Variants in ST8SIA4 observed in about 807,000 individuals in gnomAD.
The protein encoded by ST8SIA4 is CMP-N-acetylneuraminate-poly-alpha-2,8-sialyltransferase.
ST8SIA4 carries 15 observed loss-of-function variants against 33.9 expected under a neutral mutation model. That is an observed-to-expected ratio of 0.44 (90% CI 0.30 to 0.68). The LOEUF (loss-of-function observed/expected upper bound fraction) is 0.68, where lower values mean the gene tolerates loss of function less well. Ranked by LOEUF, ST8SIA4 falls within the 30% of genes least tolerant of loss-of-function variation. The pLI is 0.10. For synonymous variants in ST8SIA4, 171 were observed against 151.2 expected, an observed-to-expected ratio of 1.13 and a Z score of -0.96; for missense variants, 321 against 428.0, an observed-to-expected ratio of 0.75 and a Z score of 2.21.
chr5:100,896,672 T>C (rs1462734898), intron 1 of ST8SIA4, among the ~76,000 whole-genome samples: 1 of 152,176 alleles, frequency 6.6e-6, no homozygotes, highest in Non-Finnish European at 1.5e-5. Flanking sequence ...TGTAGAAACT[T>C]CACATTGTAT....
intron 2 of ST8SIA4, among the ~76,000 whole-genome samples, chr5:100,892,442 A>G (rs1752692524): frequency 1.3e-5 from 2 of 152,152 alleles, no homozygotes; most frequent in African/African-American, 2.4e-5. Context: ...AGTACAGTGA[A>G]GTAACAGAAC....
intron 1 of ST8SIA4, 122 bp downstream of exon 1, chr5:100,902,721 C>A: frequency 1.2e-6 from 1 of 850,720 alleles, no homozygotes; most frequent in Non-Finnish European, 1.9e-6. Context: ...ATTCATGACA[C>A]TAACCACGCG....
chr5:100,847,814 G>T (rs962335765), intron 4 of ST8SIA4, among the ~76,000 whole-genome samples: 1 of 152,030 alleles, frequency 6.6e-6, no homozygotes, highest in Non-Finnish European at 1.5e-5. Flanking sequence ...TTATGGAATT[G>T]ATCATTGTGG....
chr5:100,882,045 A>C (rs1208251844), intron 3 of ST8SIA4, among the ~76,000 whole-genome samples: 2 of 152,176 alleles, frequency 1.3e-5, no homozygotes, highest in African/African-American at 4.8e-5. Context: ...GATACTCAAA[A>C]ATGTGAAAGC....
chr5:100,889,706 A>C (rs1229962255), intron 2 of ST8SIA4, among the ~76,000 whole-genome samples: 1 of 151,974 alleles, frequency 6.6e-6, no homozygotes, highest in South Asian at 2.1e-4. Context: ...GGGAACTATA[A>C]GAGTTAAGCA....
chr5:100,856,198 C>T lies in ST8SIA4; in HGVS notation c.702G>A (p.Glu234=), dbSNP rs747235551. The T allele has an allele frequency of 1.9e-6, 3 of 1,614,136 alleles. 1 individual carries two copies. The highest frequency in any genetic ancestry group is 2.2e-5 in the South Asian group (2 of 91,086). ...ATGCATTAACCCACTCCACGTGCTT[C>T]TCTCCTCCTTTGACCATGAAAGCAG... The part of the protein sequence containing the change: ...WIPAFMVKGG[E]KHVEWVNALI... The change falls in exon 4 of 5, where the codon GAG becomes GAA. Residue 234 remains glutamate, a synonymous_variant. Coordinates refer to ENST00000231461, the MANE Select transcript of ST8SIA4 (RefSeq NM_005668.6).
intron 4 of ST8SIA4, among the ~76,000 whole-genome samples, chr5:100,846,102 A>G (rs147582603): frequency 1.5e-3 from 221 of 152,184 alleles, no homozygotes; most frequent in Non-Finnish European, 1.2e-3. Context: ...AATAAATTGC[A>G]GGAAAACAAA....
chr5:100,844,029 A>C (rs1446140060), intron 4 of ST8SIA4, among the ~76,000 whole-genome samples: 1 of 151,964 alleles, frequency 6.6e-6, no homozygotes, highest in Non-Finnish European at 1.5e-5. Flanking sequence ...CGGAATGTAC[A>C]AAAATGGTAC....
At chr5:100,878,695 C>T (rs1369241902) in intron 3 of ST8SIA4, among the ~76,000 whole-genome samples, 11 of 152,124 alleles carry the variant, frequency 7.2e-5, no homozygotes, top group Non-Finnish European at 4.4e-5. Flanking sequence ...CTGTAGAATA[C>T]AGTAAGTGAT....
intron 3 of ST8SIA4, among the ~76,000 whole-genome samples, chr5:100,870,484 CGA>C (rs1561400817): frequency 6.6e-6 from 1 of 152,070 alleles, no homozygotes; most frequent in Non-Finnish European, 1.5e-5. Context: ...ATGCATTTTA[CGA>C]GAGTGCCAAC....
At chr5:100,888,597 C>A (rs1752591887) in intron 2 of ST8SIA4, among the ~76,000 whole-genome samples, 1 of 151,832 alleles carries the variant, frequency 6.6e-6, no homozygotes, top group Non-Finnish European at 1.5e-5. Flanking sequence ...CATTTTTCCT[C>A]TAGTGCTCTT....
At chr5:100,839,484 A>G (rs1389026386) in intron 4 of ST8SIA4, among the ~76,000 whole-genome samples, 2 of 151,938 alleles carry the variant, frequency 1.3e-5, no homozygotes, top group African/African-American at 4.8e-5. Flanking sequence ...CCTATTTTAG[A>G]ATTATTTAAA....
chr5:100,819,088 T>C (rs1328312815), intron 4 of ST8SIA4, among the ~76,000 whole-genome samples: 1 of 152,206 alleles, frequency 6.6e-6, no homozygotes, highest in Non-Finnish European at 1.5e-5. Context: ...TCAAACCACT[T>C]TCACATGATC....
intron 4 of ST8SIA4, among the ~76,000 whole-genome samples, chr5:100,824,623 T>G (rs1751100652): frequency 6.6e-6 from 1 of 152,094 alleles, no homozygotes; most frequent in South Asian, 2.1e-4. Flanking sequence ...CTCTGTTATA[T>G]ATCTCTAAGG....
chr5:100,902,397 T>C lies in ST8SIA4; in HGVS notation c.113+446A>G, dbSNP rs532555115. On this transcript the variant is annotated intron_variant, in intron 1 of 4. Transcript: ENST00000231461. The stretch of plus-strand genomic sequence containing the variant: ...AAAAAAAAAGTAGAGAAACAGAGTA[T>C]ACCTATTTCCTGCTTTCTAAGCTTT... Among the ~76,000 whole-genome samples, 3 of 152,090 alleles carry C rather than the reference T, an allele frequency of 2.0e-5. No homozygotes were observed. The South Asian group carries it at 6.2e-4, about 32-fold the overall frequency.
rs768518296 is a variant in ST8SIA4, at chr5:100,895,730, G to C, written c.169C>G (p.Arg57Gly). 6.2e-7 allele frequency: 1 copy of C among 1,612,688 alleles called. No homozygotes were observed. The highest frequency in any genetic ancestry group is 8.5e-7 in the Non-Finnish European group (1 of 1,179,138). Residue 57 changes from arginine (R) to glycine (G), a missense_variant, in exon 2 of 5, where the codon CGA becomes GGA. Coordinates refer to ENST00000231461, the MANE Select transcript of ST8SIA4 (RefSeq NM_005668.6). ...TGGAAGATTGAAGAGCCAGCCTTTC[G>C]AATGATTTTATCAGAGCTATTGACA... is the stretch of plus-strand genomic sequence containing the variant. Reference protein sequence around the residue: ...SLVNSSDKIIRKAGSSIFQHN... With the variant: ...SLVNSSDKIIGKAGSSIFQHN...
chr5:100,869,506 C>T (rs1752151069), intron 3 of ST8SIA4, among the ~76,000 whole-genome samples: 1 of 152,040 alleles, frequency 6.6e-6, no homozygotes, highest in African/African-American at 2.4e-5. Context: ...CTTTTTTCCT[C>T]CTCTAATATC....
intron 4 of ST8SIA4, among the ~76,000 whole-genome samples, chr5:100,841,727 T>C (rs1440615165): frequency 6.6e-6 from 1 of 151,850 alleles, no homozygotes; most frequent in Non-Finnish European, 1.5e-5. Flanking sequence ...CTGACACAAT[T>C]TGTGGATAGG....
chr5:100,841,016 G>A (rs1305842591), intron 4 of ST8SIA4, among the ~76,000 whole-genome samples: 3 of 151,674 alleles, frequency 2.0e-5, no homozygotes, highest in African/African-American at 7.3e-5. Flanking sequence ...TGCACACCAA[G>A]TTAAATGAGA....
Sources: allele counts gnomAD v4.1 joint callset (sites outside exome capture counted in the v4.1 genomes callset), GRCh38; gene constraint gnomAD v4.1.1; transcripts MANE v1.5; gene names NCBI Gene and HGNC (gene_info 2026-07-23, HGNC 2026-07-21).